The following STRBP variants were observed in gnomAD, a reference collection of about 807,000 sequenced individuals.
The protein encoded by STRBP is spermatid perinuclear RNA-binding protein.
In STRBP, 13 loss-of-function variants were observed where a neutral mutation model predicts 80.1. The observed-to-expected ratio is 0.16, with a 90% CI of 0.11 to 0.26. STRBP has a LOEUF of 0.26. STRBP is among the 10% of genes least tolerant of loss of function. The pLI is 1.00. For synonymous variants in STRBP, 284 were observed against 291.2 expected (o/e 0.98, Z 0.25); for missense variants, 485 against 815.2 (o/e 0.59, Z 4.93).
chr9:123,188,508 G>C lies in STRBP; in HGVS notation c.-164-4210C>G, dbSNP rs1462644789. On this transcript the variant is annotated intron_variant, in intron 2 of 18. Coordinates refer to ENST00000348403, the MANE Select transcript of STRBP (RefSeq NM_018387.5). Reference sequence around the variant, plus strand: ...ATACAAAAAATTGGCCAGGCATGGTGGTGGGCGCCTGTAGTCCCAGCTACT... The same window carrying C: ...ATACAAAAAATTGGCCAGGCATGGTCGTGGGCGCCTGTAGTCCCAGCTACT... 3.3e-5 allele frequency among the ~76,000 whole-genome samples: 5 copies of C among 152,106 alleles called. No homozygotes were observed. In the East Asian group the frequency reaches 5.8e-4, roughly 18 times the overall value.
Position 123,159,218 on chromosome 9 carries a change from T to C in STRBP, c.724-11A>G. The C allele has an allele frequency of 6.3e-7, 1 of 1,584,794 alleles. No individual in the cohort carries two copies. The highest frequency in any genetic ancestry group is 1.3e-5 in the African/African-American group (1 of 74,386). On this transcript the variant is annotated splice_polypyrimidine_tract_variant and intron_variant, in intron 8 of 18. Coordinates refer to ENST00000348403, the MANE Select transcript of STRBP (RefSeq NM_018387.5). ...TATAAGTTCTAGTGGCTAGAAGATA[T>C]TAAATTACAAATTAGTACATGCACC...
At chr9:123,253,089 T>A (rs888758143) in intron 1 of STRBP, among the ~76,000 whole-genome samples, 1 of 152,170 alleles carries the variant, frequency 6.6e-6, no homozygotes, top group Non-Finnish European at 1.5e-5. Flanking sequence ...TTTAAAAGGA[T>A]CTTAAAATGG....
chr9:123,192,749 C>T (rs1029248874), intron 2 of STRBP, among the ~76,000 whole-genome samples: 4 of 152,136 alleles, frequency 2.6e-5, no homozygotes, highest in Admixed American at 1.3e-4. Context: ...TTACCATTTA[C>T]GGGGATTTAT....
At chr9:123,180,577 C>A (rs117574502) in intron 3 of STRBP, among the ~76,000 whole-genome samples, 65 of 152,196 alleles carry the variant, frequency 4.3e-4, no homozygotes, top group Non-Finnish European at 7.5e-4. Context: ...ATAAGGGTAT[C>A]AAGAAATACT....
Position 123,126,921 on chromosome 9 carries a change from T to C in STRBP, c.1943-1248A>G, listed in dbSNP as rs2035917692. On this transcript the variant is annotated intron_variant, in intron 18 of 18. Transcript: ENST00000348403. The surrounding 1 kb of genome is among the most constrained non-coding windows in gnomAD (Gnocchi z 4.4). ...CCCAAACCCAAAGGAACTAGAGAGTTTGAATTTAGAAGGAAACCTGCGTAA... is the reference window on the plus strand; with the variant it reads ...CCCAAACCCAAAGGAACTAGAGAGTCTGAATTTAGAAGGAAACCTGCGTAA... 6.6e-6 allele frequency among the ~76,000 whole-genome samples: 1 copy of C among 152,166 alleles called. No homozygotes were observed. Among genetic ancestry groups the C allele is most frequent in the African/African-American group, 2.4e-5 (1 of 41,442 alleles).
intron 2 of STRBP, among the ~76,000 whole-genome samples, chr9:123,235,672 CTT>C (rs2040541271): frequency 6.9e-6 from 1 of 144,730 alleles, no homozygotes. Flanking sequence ...GAATGGCACT[CTT>C]TGTCTGATCT....
intron 1 of STRBP, among the ~76,000 whole-genome samples, chr9:123,242,336 T>A (rs1475788267): frequency 2.6e-5 from 4 of 152,150 alleles, no homozygotes; most frequent in Non-Finnish European, 5.9e-5. Context: ...ATAACAGAAG[T>A]TCATAAAGAT....
rs2037372508 is a variant in STRBP, at chr9:123,158,224, C to G, written c.934-101G>C. 9 of 1,475,276 alleles carry G rather than the reference C, an allele frequency of 6.1e-6. No individual in the cohort carries two copies. In the South Asian group the frequency reaches 7.0e-5, roughly 11 times the overall value. 91.4% of individuals were successfully genotyped at this position (1,475,276 alleles called of 1,614,324 possible). ...ACACTCATAAATTCTGACATTATAA[C>G]AGCAGAAGTCCCTAACAACACACAA... On this transcript the variant is annotated intron_variant, in intron 10 of 18. Transcript: ENST00000348403.
chr9:123,183,555 C>G (rs2038578912), intron 3 of STRBP, among the ~76,000 whole-genome samples: 3 of 152,072 alleles, frequency 2.0e-5, no homozygotes, highest in Non-Finnish European at 4.4e-5. Flanking sequence ...CAATTAAAAG[C>G]CTAGGCACCA....
At chr9:123,173,401 G>C (rs2038089366) in intron 5 of STRBP, among the ~76,000 whole-genome samples, 1 of 152,006 alleles carries the variant, frequency 6.6e-6, no homozygotes, top group Non-Finnish European at 1.5e-5. Context: ...GTGAGACCTA[G>C]CCTGGAAAAA....
intron 1 of STRBP, among the ~76,000 whole-genome samples, chr9:123,266,538 A>G (rs1157200639): frequency 6.6e-6 from 1 of 151,706 alleles, no homozygotes; most frequent in Non-Finnish European, 1.5e-5. Flanking sequence ...TTAGACTCTC[A>G]GTGACCTAAA....
intron 2 of STRBP, among the ~76,000 whole-genome samples, chr9:123,192,585 C>CAT (rs995676995): frequency 2.0e-5 from 3 of 152,104 alleles, no homozygotes; most frequent in Admixed American, 2.0e-4. Flanking sequence ...CAGAGACCCC[C>CAT]ATCTCAATTT....
At chr9:123,231,501 T>C (rs561507367) in intron 2 of STRBP, among the ~76,000 whole-genome samples, 7 of 152,294 alleles carry the variant, frequency 4.6e-5, no homozygotes, top group Non-Finnish European at 7.4e-5. Flanking sequence ...TCAAGAAATA[T>C]AACACTGCCA....
intron 2 of STRBP, among the ~76,000 whole-genome samples, chr9:123,214,109 A>G (rs976202961): frequency 6.7e-6 from 1 of 150,108 alleles, no homozygotes; most frequent in African/African-American, 2.5e-5. Context: ...TCAATCAATG[A>G]GTGGATAAAG....
Position 123,122,447 on chromosome 9 carries a change from A to AT in STRBP, c.*3149_*3150insA. ...CAAACATTCACCCAAAATTAAAAAA[A>AT]AAAAAAAAAAGAAAAGGCCAATACC... On this transcript the variant is annotated 3_prime_UTR_variant, in exon 19 of 19. Coordinates refer to ENST00000348403, the MANE Select transcript of STRBP (RefSeq NM_018387.5). The AT allele has an allele frequency of 8.2e-7, 1 of 1,221,280 alleles. No individual in the cohort carries two copies. Among genetic ancestry groups the AT allele is most frequent in the Non-Finnish European group, 1.0e-6 (1 of 962,788 alleles). 75.7% of individuals were successfully genotyped at this position (1,221,280 alleles called of 1,614,324 possible).
chr9:123,115,254 G>A lies in STRBP; in HGVS notation c.*84+675C>T, dbSNP rs757348145. The A allele has an allele frequency of 4.5e-5, 21 of 471,050 alleles. No individual in the cohort carries two copies. The highest frequency in any genetic ancestry group is 1.9e-4 in the South Asian group (12 of 64,576). 29.2% of individuals were successfully genotyped at this position (471,050 alleles called of 1,614,324 possible). ...CTCTGACTCCCCTCCTGGGGATCCC[G>A]TCTGGCTCAGTGGGAAGCCTATCGC... On this transcript the variant is annotated intron_variant and NMD_transcript_variant, in intron 3 of 3. Coordinates refer to the STRBP transcript ENST00000471564. This position sits in a 1 kb window ranked among gnomAD's most constrained non-coding sequence, Gnocchi z 5.0.
chr9:123,151,391 T>C (rs1290265552), intron 11 of STRBP, among the ~76,000 whole-genome samples: 1 of 152,096 alleles, frequency 6.6e-6, no homozygotes, highest in Non-Finnish European at 1.5e-5. Flanking sequence ...GACCCTCAAC[T>C]GCAGAATATA....
Position 123,124,391 on chromosome 9 carries a change from G to C in STRBP, c.*1206C>G, listed in dbSNP as rs2035821185. 3.0e-6 allele frequency: 3 copies of C among 985,350 alleles called. No individual in the cohort carries two copies. Among genetic ancestry groups the C allele is most frequent in the South Asian group, 9.4e-5 (2 of 21,278 alleles). The allele number at this position is 985,350 out of a possible 1,614,324, so 61.0% of individuals were successfully genotyped here. A position where few individuals can be genotyped will look rare whatever the true frequency, so the allele number is the denominator to read the frequency against. ...GTGAGAATGCAAGTGGAGGACTTAG[G>C]TCTGCACCCTTTACAGAACAGCACA... On this transcript the variant is annotated 3_prime_UTR_variant, in exon 19 of 19. Coordinates refer to ENST00000348403, the MANE Select transcript of STRBP (RefSeq NM_018387.5).
At chr9:123,151,626 G>C (rs1156986216) in intron 11 of STRBP, among the ~76,000 whole-genome samples, 3 of 152,104 alleles carry the variant, frequency 2.0e-5, no homozygotes, top group Non-Finnish European at 4.4e-5. Context: ...GTAAAAAATA[G>C]CTTTAACTAA....
Sources: allele counts gnomAD v4.1 joint callset (sites outside exome capture counted in the v4.1 genomes callset), GRCh38; gene constraint gnomAD v4.1.1; non-coding constraint Gnocchi (gnomAD v3.1); transcripts MANE v1.5; gene names NCBI Gene and HGNC (gene_info 2026-07-23, HGNC 2026-07-21).